The following SRP68 variants were observed in gnomAD, a reference collection of about 807,000 sequenced individuals.
SRP68 encodes the protein signal recognition particle 68, also known as signal recognition particle subunit SRP68.
A neutral mutation model predicts 82.2 loss-of-function variants in SRP68; 15 were observed. The ratio of observed to expected loss-of-function variants is 0.18; its 90% CI spans 0.12 to 0.28. The LOEUF is 0.28. Among genes scored for constraint, SRP68 ranks in the 10% least tolerant of loss-of-function variants. The pLI, the probability that SRP68 is intolerant of heterozygous loss-of-function variation, is 1.00. For missense variants in SRP68, 595 were observed against 780.5 expected (o/e 0.76, Z 2.83); for synonymous variants, 261 against 292.6 (o/e 0.89, Z 1.10).
At chr17:76,065,066 AT>A (rs1412890164) in intron 3 of SRP68, among the ~76,000 whole-genome samples, 3 of 152,108 alleles carry the variant, frequency 2.0e-5, no homozygotes, top group Admixed American at 1.3e-4. Flanking sequence ...CTTTATTATT[AT>A]ACTGGTGAAT....
chr17:76,062,727 TTTTATATATATATATATA>T (rs2066772065), intron 4 of SRP68, among the ~76,000 whole-genome samples: 2 of 20,176 alleles, frequency 9.9e-5, no homozygotes, highest in South Asian at 3.1e-3. Context: ...ATTATATTTA[TTTTATATATATATATATA>T]TATATATATA....
intron 8 of SRP68, among the ~76,000 whole-genome samples, chr17:76,055,807 CTTTTT>C (rs1032113845): frequency 9.4e-6 from 1 of 106,562 alleles, no homozygotes. Context: ...TTTTTTTCTT[CTTTTT>C]TTTTTTTTTT....
Position 76,040,462 on chromosome 17 carries a change from G to C in SRP68, c.1613C>G (p.Ala538Gly). Reference sequence around the variant, plus strand: ...GGAGGAGGAGGTCTCTGTTTGATGAGCGTCGTTTGCATCTGAAAGTTTCAC... The same window carrying C: ...GGAGGAGGAGGTCTCTGTTTGATGACCGTCGTTTGCATCTGAAAGTTTCAC... ...QAAAILDAND[A>G]HQTETSSSQV... The change falls in exon 15 of 16, where the codon GCT (alanine) becomes GGT (glycine). Residue 538 changes from alanine (A) to glycine (G), a missense_variant. This residue lies in a region of SRP68 where 495 missense variants were observed against 688.6 expected (regional missense o/e 0.72). Transcript: ENST00000307877. 1.9e-6 allele frequency: 3 copies of C among 1,614,076 alleles called. No individual in the cohort carries two copies. The highest frequency in any genetic ancestry group is 2.5e-6 in the Non-Finnish European group (3 of 1,179,930).
intron 9 of SRP68, among the ~76,000 whole-genome samples, chr17:76,050,066 G>C (rs528441339): frequency 6.6e-6 from 1 of 152,266 alleles, no homozygotes; most frequent in Non-Finnish European, 1.5e-5. Context: ...TGGTGACAGG[G>C]ACAAAAGAGA....
intron 8 of SRP68, among the ~76,000 whole-genome samples, chr17:76,055,801 TTTC>T (rs1290778684): frequency 1.2e-4 from 17 of 144,042 alleles, no homozygotes; most frequent in South Asian, 2.1e-4. Flanking sequence ...TTAACTTTTT[TTTC>T]TTCTTTTTTT....
intron 3 of SRP68, 123 bp downstream of exon 3, chr17:76,067,094 G>A: frequency 1.3e-6 from 1 of 750,084 alleles, no homozygotes; most frequent in Non-Finnish European, 2.3e-6. Context: ...TAGAACACAG[G>A]AATAGTAAAC....
intron 11 of SRP68, 140 bp from the exon 12 acceptor site, chr17:76,045,526 G>A (rs1247850326): frequency 9.5e-6 from 6 of 631,020 alleles, no homozygotes; most frequent in African/African-American, 9.2e-5. Context: ...CCTGTGAAGA[G>A]ATTGGGCAGC....
chr17:76,066,374 C>G (rs1239254789), intron 3 of SRP68, among the ~76,000 whole-genome samples: 1 of 150,410 alleles, frequency 6.6e-6, no homozygotes, highest in African/African-American at 2.4e-5. Context: ...AGCTTGAACC[C>G]GGGAGGTGGA....
chr17:76,057,558 A>T lies in SRP68; in HGVS notation c.838-15T>A, dbSNP rs760253429. ...GTGATCAAAGCCTGAAAAATAGTTT[A>T]AAAAAGTTAAAGCTTTAACTGGGGA... On this transcript the variant is annotated splice_polypyrimidine_tract_variant and intron_variant, in intron 7 of 15. Coordinates refer to ENST00000307877, the MANE Select transcript of SRP68 (RefSeq NM_014230.4). 1.4e-5 allele frequency: 23 copies of T among 1,613,778 alleles called. No individual in the cohort carries two copies. Among genetic ancestry groups the T allele is most frequent in the African/African-American group, 9.3e-5 (7 of 74,920 alleles).
At chr17:76,067,557 A>G (rs2066816748) in intron 2 of SRP68, among the ~76,000 whole-genome samples, 2 of 152,028 alleles carry the variant, frequency 1.3e-5, no homozygotes, top group Non-Finnish European at 2.9e-5. Flanking sequence ...CACTGCAGCC[A>G]GGCTCAGTCA....
intron 13 of SRP68, among the ~76,000 whole-genome samples, chr17:76,042,300 T>A (rs1189610978): frequency 6.6e-6 from 1 of 151,960 alleles, no homozygotes; most frequent in Non-Finnish European, 1.5e-5. Flanking sequence ...AGAAGCTAGT[T>A]ATCGTTCAAT....
At chr17:76,067,906 C>G (rs1258814280) in intron 2 of SRP68, among the ~76,000 whole-genome samples, 1 of 152,150 alleles carries the variant, frequency 6.6e-6, no homozygotes, top group Non-Finnish European at 1.5e-5. Flanking sequence ...AAATGGCAAC[C>G]AAGAAAACAA....
intron 9 of SRP68, chr17:76,049,258 A>G (rs1179445353): frequency 1.3e-5 from 2 of 152,260 alleles, no homozygotes; most frequent in Non-Finnish European, 2.9e-5. Flanking sequence ...TTAATTAACT[A>G]TCAAAGCTTA....
chr17:76,067,317 G>A lies in SRP68; in HGVS notation c.265C>T (p.Arg89Cys), dbSNP rs777223002. The part of the protein sequence containing the change: ...DFQRYRGYCS[R>C]RQRRLRKTLN... ...GTTTTTCGAAGACGTCTTTGTCTAC[G>A]GGAACAGTAGCCCCTGTAAGAAACC... Residue 89 changes from arginine (R) to cysteine (C), a missense_variant, in exon 3 of 16, where the codon CGT (arginine) becomes TGT (cysteine). This residue lies in a region of SRP68 where 495 missense variants were observed against 688.6 expected (regional missense o/e 0.72). Transcript: ENST00000307877. 1.2e-5 allele frequency: 19 copies of A among 1,612,480 alleles called. No individual in the cohort carries two copies. The highest frequency in any genetic ancestry group is 1.0e-4 in the Admixed American group (6 of 59,794).
At chr17:76,043,715 C>T (rs2066608650) in intron 13 of SRP68, 114 bp downstream of exon 13, 2 of 1,191,496 alleles carry the variant, frequency 1.7e-6, no homozygotes, top group Non-Finnish European at 2.3e-6. Flanking sequence ...GTCCCACGGG[C>T]AGCCAGGGAG....
At position 76,071,143 on chromosome 17, in the gene SRP68, A is replaced by T. The variant is rs185857904; in HGVS notation, c.185-699T>A. ...CCCCACATTTTATTCATTCAGATTC[A>T]GGTTATAAATGACATGTACTAAGCC... On this transcript the variant is annotated intron_variant, in intron 1 of 15. Coordinates refer to ENST00000307877, the MANE Select transcript of SRP68 (RefSeq NM_014230.4). This position sits in a 1 kb window ranked among gnomAD's most constrained non-coding sequence, Gnocchi z 4.7. Among the ~76,000 whole-genome samples the T allele has an allele frequency of 1.9e-3, 287 of 152,348 alleles. No homozygotes were observed. Among genetic ancestry groups the T allele is most frequent in the Middle Eastern group, 3.4e-3 (1 of 294 alleles).
Position 76,039,253 on chromosome 17 carries a change from G to T in SRP68, c.*453C>A. ...GAATAAGGCTGACCGTAATTCTGGG[G>T]TGACGTTGCCAGTTTCATAGTCATA... On this transcript the variant is annotated 3_prime_UTR_variant, in exon 16 of 16. Coordinates refer to ENST00000307877, the MANE Select transcript of SRP68 (RefSeq NM_014230.4). 1 of 444,168 alleles carries T rather than the reference G, an allele frequency of 2.3e-6. No homozygotes were observed. Among genetic ancestry groups the T allele is most frequent in the Non-Finnish European group, 4.6e-6 (1 of 218,434 alleles). 27.5% of individuals were successfully genotyped at this position (444,168 alleles called of 1,614,324 possible).
At chr17:76,069,819 G>A (rs2066835512) in intron 2 of SRP68, among the ~76,000 whole-genome samples, 1 of 150,880 alleles carries the variant, frequency 6.6e-6, no homozygotes, top group African/African-American at 2.4e-5. Context: ...GCTCACGCCT[G>A]TAATTCCAAC....
intron 4 of SRP68, among the ~76,000 whole-genome samples, chr17:76,062,752 TATATATATATATAAA>T (rs1228133051): frequency 4.0e-5 from 3 of 74,410 alleles, no homozygotes; most frequent in African/African-American, 2.1e-4. Context: ...TATATATATA[TATATATATATATAAA>T]ATATATATAT....
Sources: gnomAD v4.1 joint callset for allele counts (sites outside exome capture counted in the v4.1 genomes callset) on GRCh38, gnomAD v4.1.1 for gene constraint, gnomAD v4.1.1 regional missense constraint, Gnocchi (gnomAD v3.1) non-coding constraint, MANE v1.5 for transcripts, NCBI Gene and HGNC (gene_info 2026-07-23, HGNC 2026-07-21) for gene names.